The following DELE1 variants were observed in gnomAD, a reference collection of about 807,000 sequenced individuals.
DELE1 encodes death ligand signal enhancer.
Under a neutral mutation model 59.3 loss-of-function variants are expected in DELE1, and 54 were observed. The ratio of observed to expected loss-of-function variants is 0.91; its 90% confidence interval spans 0.73 to 1.14. The LOEUF (loss-of-function observed/expected upper bound fraction) is 1.14. Ranked by LOEUF, DELE1 falls within the 50% of genes most tolerant of loss-of-function variation. The pLI is 0.00. For missense variants in DELE1, 636 were observed against 643.9 expected, an observed-to-expected ratio of 0.99 and a Z score of 0.13; for synonymous variants, 264 against 259.1, an observed-to-expected ratio of 1.02 and a Z score of -0.18.
chr5:141,934,239 G>C lies in DELE1; in HGVS notation c.898-1G>C. 1.2e-6 allele frequency: 2 copies of C among 1,603,976 alleles called. No homozygotes were observed. The highest frequency in any genetic ancestry group is 1.7e-6 in the Non-Finnish European group (2 of 1,172,584). On this transcript the variant is annotated splice_acceptor_variant, in intron 8 of 11. Coordinates refer to ENST00000432126, the MANE Select transcript of DELE1 (RefSeq NM_014773.5). LOFTEE classifies it high-confidence loss of function. ...ACTGGGTGTTTCTCCCTTTGCCCCA[G>C]GCGGTCCTTTATTATCAGTTGGCTG...
intron 8 of DELE1, chr5:141,933,988 T>G (rs1255923744): frequency 3.1e-6 from 1 of 320,264 alleles, no homozygotes; most frequent in Non-Finnish European, 5.7e-6. Flanking sequence ...GTCTAACACA[T>G]ATATGTGAGA....
chr5:141,929,945 A>T (rs1489171390), intron 5 of DELE1, 44 bp from the exon 6 acceptor site: 2 of 1,581,300 alleles, frequency 1.3e-6, no homozygotes, highest in Non-Finnish European at 1.7e-6. Flanking sequence ...AAGAAGTACA[A>T]CTTTCTCCTT....
chr5:141,937,447 A>G (rs903242559), intron 11 of DELE1, 90 bp downstream of exon 11: 6 of 1,453,620 alleles, frequency 4.1e-6, no homozygotes, highest in Non-Finnish European at 4.7e-6. Context: ...CTGGTCTCCT[A>G]GTCATTTCCA....
Position 141,940,233 on chromosome 5 carries a change from C to G in DELE1, c.*1474C>G. The G allele has an allele frequency of 9.1e-6, 9 of 985,394 alleles. No homozygotes were observed. The highest frequency in any genetic ancestry group is 9.6e-6 in the Non-Finnish European group (8 of 829,958). 61.0% of individuals were successfully genotyped at this position (985,394 alleles called of 1,614,324 possible). ...GAAAGCTGAGGCTCCGTCCTCATCT[C>G]TAAACTCTCCACTAACCAATTTAAA... is the stretch of plus-strand genomic sequence containing the variant. On this transcript the variant is annotated 3_prime_UTR_variant, in exon 12 of 12. Transcript: ENST00000432126.
chr5:141,934,345 C>T lies in DELE1; in HGVS notation c.1003C>T (p.Arg335Trp), dbSNP rs1433243589. The change falls in exon 9 of 12, where the codon CGG becomes TGG. Residue 335 changes from arginine (R) to tryptophan (W), a missense_variant. By Grantham distance (101) the Arg-to-Trp change is moderately radical. Transcript: ENST00000432126. ...RDPASSWNPE[R>W]QRAVSLLKQA... ...CCCAGCCTCTTCGTGGAACCCTGAGCGGCAGAGGGCAGTGTCCTTGCTGAA... is the reference window on the plus strand; with the variant it reads ...CCCAGCCTCTTCGTGGAACCCTGAGTGGCAGAGGGCAGTGTCCTTGCTGAA... 6.2e-6 allele frequency: 10 copies of T among 1,614,076 alleles called. No individual in the cohort carries two copies. The highest frequency in any genetic ancestry group is 1.6e-4 in the Middle Eastern group (1 of 6,082).
In DELE1 at chr5:141,938,680, G is replaced by A. The variant is rs761732443; in HGVS notation, c.1469G>A (p.Ser490Asn). The A allele has an allele frequency of 6.2e-7, 1 of 1,613,998 alleles. No individual in the cohort carries two copies. Among genetic ancestry groups the A allele is most frequent in the African/African-American group, 1.3e-5 (1 of 74,910 alleles). The change falls in exon 12 of 12, where the codon AGC becomes AAC. Residue 490 changes from serine (S) to asparagine (N), a missense_variant. Coordinates refer to ENST00000432126, the MANE Select transcript of DELE1 (RefSeq NM_014773.5). ...TGCAGAAGTGGGCATCTCGGAGCCA[G>A]CCTGGAAGCCTCCAGCAGGGCTATT... ...LLCRSGHLGA[S>N]LEASSRAIPP... is the part of the protein sequence containing the mutation.
rs1752426329 is a variant in DELE1 at position 141,937,180 on chromosome 5, T to A, written c.1150-18T>A. ...TCCTGCATGTGTGTATCTGTTTGTCTGTCCATTTTCTCCTTAGGACTCACA... is the reference window on the plus strand; with the variant it reads ...TCCTGCATGTGTGTATCTGTTTGTCAGTCCATTTTCTCCTTAGGACTCACA... On this transcript the variant is annotated intron_variant, in intron 10 of 11. Coordinates refer to ENST00000432126, the MANE Select transcript of DELE1 (RefSeq NM_014773.5). 1 of 1,613,792 alleles carries A rather than the reference T, an allele frequency of 6.2e-7. No individual in the cohort carries two copies. Among genetic ancestry groups the A allele is most frequent in the African/African-American group, 1.3e-5 (1 of 75,042 alleles).
intron 11 of DELE1, 53 bp downstream of exon 11, chr5:141,937,410 T>A: frequency 3.8e-6 from 6 of 1,590,836 alleles, no homozygotes; most frequent in Non-Finnish European, 5.2e-6. Flanking sequence ...CAGTACTCTG[T>A]GACAGATAAG....
In DELE1 at chr5:141,935,317, C is replaced by T. The variant is rs143973328; in HGVS notation, c.1149+731C>T. On this transcript the variant is annotated intron_variant, in intron 10 of 11. Transcript: ENST00000432126. ...TGGGTTTGGGAAATACTGAGTTAAA[C>T]AGTTAATATAGGAAGTCTCAAAGCT... 7.7e-3 allele frequency among the ~76,000 whole-genome samples: 1,175 copies of T among 152,266 alleles called. 13 individuals carry two copies. The highest frequency in any genetic ancestry group is 0.021 in the South Asian group (101 of 4,830).
intron 1 of DELE1, 108 bp downstream of exon 1, chr5:141,924,080 A>C (rs1751161338): frequency 3.5e-6 from 5 of 1,428,702 alleles, no homozygotes; most frequent in Non-Finnish European, 4.8e-6. Context: ...GGTTAGAGCC[A>C]AGGAAGGCGG....
chr5:141,925,094 A>AT (rs35716892), intron 2 of DELE1, among the ~76,000 whole-genome samples: 13,851 of 151,304 alleles, frequency 0.092, 679 homozygotes, highest in South Asian at 0.14. Context: ...CGCCTGGCTA[A>AT]TTTTTTTTGT....
intron 4 of DELE1, 111 bp downstream of exon 4, chr5:141,928,409 C>T (rs990392430): frequency 7.7e-7 from 1 of 1,294,958 alleles, no homozygotes; most frequent in African/African-American, 1.5e-5. Context: ...CTTGCCTTTC[C>T]TATCTGAAGT....
chr5:141,941,182 C>T lies in DELE1; in HGVS notation c.*2423C>T. On this transcript the variant is annotated 3_prime_UTR_variant, in exon 12 of 12. Coordinates refer to ENST00000432126, the MANE Select transcript of DELE1 (RefSeq NM_014773.5). ...TCTGACTACTTCCTTCTAGCCATAG[C>T]TGGGGCCGAGGGCTGGTTCACAGTC... The T allele has an allele frequency of 1.0e-6, 1 of 985,488 alleles. No homozygotes were observed. The highest frequency in any genetic ancestry group is 1.2e-6 in the Non-Finnish European group (1 of 829,962). 61.0% of individuals were successfully genotyped at this position (985,488 alleles called of 1,614,324 possible).
chr5:141,926,244 T>C (rs1751412027), intron 3 of DELE1, among the ~76,000 whole-genome samples: 1 of 152,182 alleles, frequency 6.6e-6, no homozygotes, highest in African/African-American at 2.4e-5. Flanking sequence ...TACAAAAATC[T>C]TACAAGGGAA....
chr5:141,936,017 G>A (rs555109684), intron 10 of DELE1, among the ~76,000 whole-genome samples: 128 of 152,336 alleles, frequency 8.4e-4, no homozygotes, highest in African/African-American at 2.9e-3. Flanking sequence ...GGGAGAATGT[G>A]TAGACAACTC....
chr5:141,927,400 T>C (rs944911721), intron 3 of DELE1, among the ~76,000 whole-genome samples: 3 of 152,170 alleles, frequency 2.0e-5, no homozygotes, highest in African/African-American at 7.2e-5. Flanking sequence ...AGTTTCTCCA[T>C]GTTGGCTGGT....
chr5:141,931,700 C>T lies in DELE1; in HGVS notation c.754+1426C>T, dbSNP rs961450371. Among the ~76,000 whole-genome samples, 10 of 152,260 alleles carry T rather than the reference C, an allele frequency of 6.6e-5. No homozygotes were observed. The East Asian group carries it at 1.5e-3, about 24-fold the overall frequency. On this transcript the variant is annotated intron_variant, in intron 7 of 11. Transcript: ENST00000432126. ...GGGATCCTTTGCACTCTTGAGTCTTCTACCCAAGGGCAGAGGGCTCTGTCA... is the reference window on the plus strand; with the variant it reads ...GGGATCCTTTGCACTCTTGAGTCTTTTACCCAAGGGCAGAGGGCTCTGTCA...
chr5:141,933,184 G>A (rs1752075398), intron 7 of DELE1, 75 bp from the exon 8 acceptor site: 2 of 1,239,760 alleles, frequency 1.6e-6, no homozygotes, highest in Admixed American at 4.8e-5. Context: ...CAGATGAGGA[G>A]TCTGTAGGTA....
intron 1 of DELE1, 55 bp from the exon 2 acceptor site, chr5:141,924,526 G>T: frequency 1.0e-6 from 1 of 996,246 alleles, no homozygotes; most frequent in Non-Finnish European, 1.6e-6. Flanking sequence ...TGAGGCAGAT[G>T]ACAGTGATTC....
Sources: gnomAD v4.1 joint callset for allele counts (sites outside exome capture counted in the v4.1 genomes callset) on GRCh38, gnomAD v4.1.1 for gene constraint, MANE v1.5 for transcripts, NCBI Gene and HGNC (gene_info 2026-07-23, HGNC 2026-07-21) for gene names.